The following MEAK7 variants were observed in gnomAD, a reference collection of about 807,000 sequenced individuals.
MEAK7 encodes the protein MTOR-associated protein MEAK7.
A neutral mutation model predicts 40.5 loss-of-function variants in MEAK7; 68 were observed. That is an observed-to-expected ratio of 1.68 (90% confidence interval 1.38 to 2.06). MEAK7 has a LOEUF of 2.06. Ranked by LOEUF, MEAK7 falls within the 30% of genes most tolerant of loss-of-function variation. The probability of loss-of-function intolerance (pLI) is 0.00; values close to 1 mark genes in which losing one functional copy is unlikely to be tolerated. For missense variants in MEAK7, 918 were observed against 580.5 expected, an observed-to-expected ratio of 1.58 and a Z score of -5.98; for synonymous variants, 338 against 231.9, an observed-to-expected ratio of 1.46 and a Z score of -4.16.
At chr16:84,482,482 G>A (rs1912650228) in intron 6 of MEAK7, 110 bp downstream of exon 6, 5 of 1,544,824 alleles carry the variant, frequency 3.2e-6, no homozygotes, top group Non-Finnish European at 2.7e-6. Context: ...CGTGCGTGAG[G>A]AACTGAATGC....
At chr16:84,499,384 G>C (rs1428448433) in intron 1 of MEAK7, among the ~76,000 whole-genome samples, 2 of 152,146 alleles carry the variant, frequency 1.3e-5, no homozygotes, top group African/African-American at 4.8e-5. Context: ...CACTGCAGCA[G>C]TAAACTTTCC....
intron 3 of MEAK7, among the ~76,000 whole-genome samples, chr16:84,494,205 C>A (rs395656): frequency 0.76 from 116,349 of 152,166 alleles, 48,683 homozygotes; most frequent in Non-Finnish European, 0.94. Flanking sequence ...AATTAGACTA[C>A]AACTTATTTT....
chr16:84,485,148 G>A (rs1281849990), intron 5 of MEAK7, among the ~76,000 whole-genome samples: 2 of 152,236 alleles, frequency 1.3e-5, no homozygotes, highest in East Asian at 3.9e-4. Flanking sequence ...GGCAGGGCAA[G>A]GTGGGTGTGC....
At chr16:84,487,149 G>A (rs1306325935) in intron 4 of MEAK7, 90 bp from the exon 5 acceptor site, 19 of 1,288,418 alleles carry the variant, frequency 1.5e-5, no homozygotes, top group Non-Finnish European at 1.9e-5. Context: ...TGGGAGCCAC[G>A]AGTCACATGC....
chr16:84,487,138 G>A (rs1913160574), intron 4 of MEAK7, 79 bp from the exon 5 acceptor site: 2 of 1,425,470 alleles, frequency 1.4e-6, no homozygotes, highest in Admixed American at 2.4e-5. Context: ...ACTGATCAGT[G>A]TGGGAGCCAC....
rs1297128858 is a variant in MEAK7 at position 84,478,817 on chromosome 16, G to GATCT, written c.*1092_*1095dup. 6.6e-6 allele frequency: 1 copy of GATCT among 152,258 alleles called. No homozygotes were observed. The highest frequency in any genetic ancestry group is 1.9e-4 in the East Asian group (1 of 5,198). 9.4% of individuals were successfully genotyped at this position (152,258 alleles called of 1,614,324 possible). A position where few individuals can be genotyped will look rare whatever the true frequency, so the allele number is the denominator to read the frequency against. On this transcript the variant is annotated 3_prime_UTR_variant, in exon 8 of 8. Coordinates refer to ENST00000343629, the MANE Select transcript of MEAK7 (RefSeq NM_020947.4). ...TGTGACTCAGGCACTGGTTCCCAGA[G>GATCT]ATCTAGAACCCAGGCCAGCACCGAG...
chr16:84,482,341 G>C (rs1037766958), intron 6 of MEAK7, among the ~76,000 whole-genome samples: 6 of 152,198 alleles, frequency 3.9e-5, no homozygotes, highest in Non-Finnish European at 2.9e-5. Context: ...AGAAAAATGG[G>C]CCAAGTGTGC....
At chr16:84,490,453 T>A (rs1472223790) in intron 3 of MEAK7, among the ~76,000 whole-genome samples, 1 of 46,962 alleles carries the variant, frequency 2.1e-5, no homozygotes, top group Non-Finnish European at 7.6e-5. Flanking sequence ...CTTTTTTTTT[T>A]TTTTTTTTTT....
At chr16:84,501,970 C>T (rs955329562) in intron 1 of MEAK7, among the ~76,000 whole-genome samples, 1 of 152,122 alleles carries the variant, frequency 6.6e-6, no homozygotes, top group African/African-American at 2.4e-5. Context: ...CATGGAGAAA[C>T]CCTGTCTCTA....
chr16:84,488,449 T>C (rs1913284320), intron 4 of MEAK7: 1 of 152,202 alleles, frequency 6.6e-6, no homozygotes, highest in African/African-American at 2.4e-5. Flanking sequence ...CCCAATTAAA[T>C]TTAAATATAT....
intron 1 of MEAK7, among the ~76,000 whole-genome samples, chr16:84,501,681 G>A (rs1914517664): frequency 6.6e-6 from 1 of 152,116 alleles, no homozygotes. Flanking sequence ...GGAGGCCCCA[G>A]TAGGAACCCC....
At chr16:84,486,243 A>G (rs1164996936) in intron 5 of MEAK7, 8 of 196,420 alleles carry the variant, frequency 4.1e-5, no homozygotes, top group African/African-American at 1.6e-4. Context: ...CAAAGCTTCC[A>G]AATTCCAACA....
intron 1 of MEAK7, among the ~76,000 whole-genome samples, chr16:84,500,247 G>A (rs183830488): frequency 1.5e-3 from 234 of 152,236 alleles, no homozygotes; most frequent in Non-Finnish European, 2.2e-3. Flanking sequence ...CCACCTTCCG[G>A]CTATCATGAA....
rs1483233938 is a variant in MEAK7, at chr16:84,486,842, G to C, written c.747C>G (p.Leu249=). The C allele has an allele frequency of 1.9e-6, 3 of 1,614,078 alleles. No homozygotes were observed. The highest frequency in any genetic ancestry group is 1.3e-5 in the African/African-American group (1 of 74,918). ...GRGFESILDV[L]SVMYINAQLP... ...GCTGGGCGTTGATGTACATGACAGA[G>C]AGGACATCCAGGATGCTCTCAAAAC... Residue 249 remains leucine (L), a synonymous_variant, in exon 5 of 8, where the codon CTC becomes CTG. Coordinates refer to ENST00000343629, the MANE Select transcript of MEAK7 (RefSeq NM_020947.4).
At chr16:84,503,838 T>G in intron 1 of MEAK7, 5 of 752,936 alleles carry the variant, frequency 6.6e-6, no homozygotes, top group Non-Finnish European at 8.1e-6. Flanking sequence ...CTTAGTCACC[T>G]CCTGCTCAGA....
rs183093931 is a variant in MEAK7 at position 84,481,611 on chromosome 16, G to A, written c.1078-903C>T. ...ACCAGCCTTCTCTGCCCTCAGCTCT[G>A]CAGAAACAGGGCTGGATTTTCCCAA... On this transcript the variant is annotated intron_variant, in intron 6 of 7. Transcript: ENST00000343629. Among the ~76,000 whole-genome samples the A allele has an allele frequency of 9.2e-5, 14 of 152,280 alleles. No individual in the cohort carries two copies. In the East Asian group the frequency reaches 2.7e-3, roughly 30 times the overall value.
chr16:84,481,420 C>T, intron 6 of MEAK7, among the ~76,000 whole-genome samples: 1 of 152,194 alleles, frequency 6.6e-6, no homozygotes, highest in Non-Finnish European at 1.5e-5. Flanking sequence ...GAGCGATGAC[C>T]GGGGCCTGCC....
At position 84,479,553 on chromosome 16, in the gene MEAK7, C is replaced by T. The variant is rs530794765; in HGVS notation, c.*360G>A. ...TGCCAGCGGAATTCCCTAATGCCAG[C>T]GGAATTCCCTAATGCCAGCGGGGGT... On this transcript the variant is annotated 3_prime_UTR_variant, in exon 8 of 8. Transcript: ENST00000343629. The T allele has an allele frequency of 2.3e-4, 38 of 167,282 alleles. No individual in the cohort carries two copies. The highest frequency in any genetic ancestry group is 4.5e-4 in the Admixed American group (7 of 15,610). 10.4% of individuals were successfully genotyped at this position (167,282 alleles called of 1,614,324 possible). A position where few individuals can be genotyped will look rare whatever the true frequency, so the allele number is the denominator to read the frequency against.
Position 84,483,663 on chromosome 16 carries a change from G to A in MEAK7, c.959-953C>T, listed in dbSNP as rs1192859314. ...CAACAGGGCTCAGTCTGTAGAGTGTGGGCTGACACCGCCCAAGGCTCCAAT... is the reference window on the plus strand; with the variant it reads ...CAACAGGGCTCAGTCTGTAGAGTGTAGGCTGACACCGCCCAAGGCTCCAAT... On this transcript the variant is annotated intron_variant, in intron 5 of 7. Transcript: ENST00000343629. Among the ~76,000 whole-genome samples, 5 of 152,304 alleles carry A rather than the reference G, an allele frequency of 3.3e-5. No homozygotes were observed. The East Asian group carries it at 9.7e-4, about 29-fold the overall frequency.
Sources: gnomAD v4.1 joint callset for allele counts (sites outside exome capture counted in the v4.1 genomes callset) on GRCh38, gnomAD v4.1.1 for gene constraint, MANE v1.5 for transcripts, NCBI Gene and HGNC (gene_info 2026-07-23, HGNC 2026-07-21) for gene names.